NUP35: variants seen among roughly 807,000 people sequenced by gnomAD.
NUP35 encodes nucleoporin 35.
NUP35 carries 25 observed loss-of-function variants against 41.5 expected under a neutral mutation model. The observed-to-expected ratio is 0.60, with a 90% confidence interval of 0.44 to 0.84. The LOEUF is 0.84. NUP35 is among the 40% of genes least tolerant of loss of function. The probability of loss-of-function intolerance (pLI) is 0.00; values close to 1 mark genes in which losing one functional copy is unlikely to be tolerated. For synonymous variants in NUP35, 149 were observed against 130.7 expected (o/e 1.14, Z -0.96); for missense variants, 396 against 396.6 (o/e 1.00, Z 0.01).
At chr2:183,150,202 C>A (rs896438658) in intron 4 of NUP35, among the ~76,000 whole-genome samples, 6 of 152,254 alleles carry the variant, frequency 3.9e-5, no homozygotes, top group Middle Eastern at 3.4e-3. Context: ...ACTGGCCTGG[C>A]CCTTAAAATG....
chr2:183,150,904 T>TA (rs1685448546), intron 4 of NUP35, among the ~76,000 whole-genome samples: 1 of 152,216 alleles, frequency 6.6e-6, no homozygotes, highest in Non-Finnish European at 1.5e-5. Flanking sequence ...AAAATGAACT[T>TA]TATAAAGTGT....
intron 2 of NUP35, among the ~76,000 whole-genome samples, chr2:183,130,213 A>C (rs982015970): frequency 6.6e-6 from 1 of 152,158 alleles, no homozygotes; most frequent in Non-Finnish European, 1.5e-5. Flanking sequence ...GGAGCTTATT[A>C]GAACTGTATA....
At chr2:183,138,269 A>ATATTTTT in intron 4 of NUP35, among the ~76,000 whole-genome samples, 3 of 80,688 alleles carry the variant, frequency 3.7e-5, no homozygotes, top group African/African-American at 6.2e-5. Flanking sequence ...ATATATATAT[A>ATATTTTT]TTTTTTTTTT....
At chr2:183,136,183 A>C (rs72894527) in intron 4 of NUP35, among the ~76,000 whole-genome samples, 4,923 of 152,312 alleles carry the variant, frequency 0.032, 97 homozygotes, top group Non-Finnish European at 0.043. Flanking sequence ...AGCCATTTCC[A>C]CATTTTTACT....
intron 8 of NUP35, chr2:183,160,400 T>C (rs1209484030): frequency 6.6e-6 from 1 of 152,286 alleles, no homozygotes; most frequent in Non-Finnish European, 1.5e-5. Context: ...TTCTTTCTTT[T>C]GTTTTGAGAC....
At chr2:183,130,575 G>T in intron 3 of NUP35, 30 bp downstream of exon 3, 2 of 1,603,926 alleles carry the variant, frequency 1.2e-6, no homozygotes, top group South Asian at 2.2e-5. Context: ...GATCCCCAAT[G>T]AACAACATCA....
At chr2:183,118,121 T>G (rs1463622655) in intron 1 of NUP35, among the ~76,000 whole-genome samples, 1 of 152,178 alleles carries the variant, frequency 6.6e-6, no homozygotes, top group African/African-American at 2.4e-5. Flanking sequence ...CACCTAAGTT[T>G]GATAATCAAT....
chr2:183,149,976 A>T (rs1282530755), intron 4 of NUP35, among the ~76,000 whole-genome samples: 1 of 151,938 alleles, frequency 6.6e-6, no homozygotes, highest in Non-Finnish European at 1.5e-5. Flanking sequence ...GTGCTATCTC[A>T]GCTCACTGCA....
chr2:183,159,397 T>G, intron 7 of NUP35, 91 bp from the exon 8 acceptor site: 1 of 992,134 alleles, frequency 1.0e-6, no homozygotes, highest in Non-Finnish European at 1.4e-6. Context: ...ATTTCATCTT[T>G]ATCTTTTAAT....
chr2:183,155,437 A>G (rs983583395), intron 5 of NUP35, among the ~76,000 whole-genome samples: 2 of 152,058 alleles, frequency 1.3e-5, no homozygotes, highest in South Asian at 2.1e-4. Context: ...ATTGATTTCT[A>G]TTTGGGTAAA....
Position 183,134,201 on chromosome 2 carries a change from A to G in NUP35, c.397+578A>G, listed in dbSNP as rs537031957. Among the ~76,000 whole-genome samples, 134 of 152,344 alleles carry G rather than the reference A, an allele frequency of 8.8e-4. 1 individual carries two copies. The highest frequency in any genetic ancestry group is 3.4e-3 in the Middle Eastern group (1 of 294). ...TCTTCATATGTCGTCATATGTGTAT[A>G]ATCCCATCAAATGTTTATTCAGCAA... On this transcript the variant is annotated intron_variant, in intron 4 of 8. Transcript: ENST00000295119.
intron 1 of NUP35, chr2:183,118,985 G>A (rs2675055): frequency 0.98 from 149,653 of 152,290 alleles, 73,584 homozygotes; most frequent in East Asian, 1. Context: ...CATGCTCACT[G>A]GAAGTGTTCT....
In NUP35 at chr2:183,130,565, G is replaced by T; in HGVS notation, c.339+20G>T. The T allele has an allele frequency of 6.2e-7, 1 of 1,608,526 alleles. No homozygotes were observed. The highest frequency in any genetic ancestry group is 1.1e-5 in the South Asian group (1 of 90,126). On this transcript the variant is annotated intron_variant, in intron 3 of 8. Transcript: ENST00000295119. ...AGACAGGTAATATAAATACCCTTTT[G>T]ATCCCCAATGAACAACATCATGGTT...
chr2:183,124,577 C>G, intron 1 of NUP35, 80 bp downstream of exon 1: 1 of 1,560,586 alleles, frequency 6.4e-7, no homozygotes. Flanking sequence ...GAAAGGCAGT[C>G]GTCAGGCTCT....
Position 183,157,717 on chromosome 2 carries a change from T to G in NUP35, c.609+204T>G, listed in dbSNP as rs7420841. Among the ~76,000 whole-genome samples the G allele has an allele frequency of 0.89, 135,847 of 152,036 alleles. 60,915 individuals carry two copies. The highest frequency in any genetic ancestry group is 0.99 in the East Asian group (5,128 of 5,176). On this transcript the variant is annotated intron_variant, in intron 6 of 8. Transcript: ENST00000295119. ...AGATATAGTGAGAAGATATGGAGAA[T>G]TGAGAGTTTGAAAATCCACCTCCTC...
intron 4 of NUP35, among the ~76,000 whole-genome samples, chr2:183,138,269 A>ATATATATATT: frequency 2.2e-4 from 18 of 80,692 alleles, no homozygotes; most frequent in African/African-American, 1.1e-3. Flanking sequence ...ATATATATAT[A>ATATATATATT]TTTTTTTTTT....
At chr2:183,141,921 C>G (rs1010838084) in intron 4 of NUP35, among the ~76,000 whole-genome samples, 1 of 152,124 alleles carries the variant, frequency 6.6e-6, no homozygotes, top group African/African-American at 2.4e-5. Context: ...TGGTGAAGAA[C>G]ATATTTAAGT....
chr2:183,133,415 T>G (rs1684764623), intron 3 of NUP35, 151 bp from the exon 4 acceptor site: 2 of 544,186 alleles, frequency 3.7e-6, no homozygotes, highest in Non-Finnish European at 6.4e-6. Flanking sequence ...GTTTAACTTA[T>G]GGGGAAAAAA....
chr2:183,128,269 A>AT lies in NUP35; in HGVS notation c.41-12dup. On this transcript the variant is annotated splice_polypyrimidine_tract_variant and intron_variant, in intron 1 of 8. Coordinates refer to ENST00000295119, the MANE Select transcript of NUP35 (RefSeq NM_138285.5). Reference sequence around the variant, plus strand: ...ACTGTAACAGAAAAGTCCTTAATTTATTTTTTGATTCATGTAGGATCTGAA... The same window carrying AT: ...ACTGTAACAGAAAAGTCCTTAATTTATTTTTTTGATTCATGTAGGATCTGAA... 6.5e-7 allele frequency: 1 copy of AT among 1,541,306 alleles called. No homozygotes were observed. The highest frequency in any genetic ancestry group is 8.8e-7 in the Non-Finnish European group (1 of 1,138,124).
Sources: gnomAD v4.1 joint callset for allele counts (sites outside exome capture counted in the v4.1 genomes callset) on GRCh38, gnomAD v4.1.1 for gene constraint, MANE v1.5 for transcripts, NCBI Gene and HGNC (gene_info 2026-07-23, HGNC 2026-07-21) for gene names.